RSF1: variants seen among roughly 807,000 people sequenced by gnomAD.
RSF1 encodes remodeling and spacing factor 1, also known as HBV pX-associated protein 8.
RSF1 carries 13 observed loss-of-function variants against 145.2 expected under a neutral mutation model. The observed-to-expected ratio is 0.09, with a 90% CI of 0.06 to 0.14. RSF1 has a LOEUF of 0.14. RSF1 is among the 10% of genes least tolerant of loss of function. The pLI, the probability that RSF1 is intolerant of heterozygous loss-of-function variation, is 1.00. For missense variants in RSF1, 1,517 were observed against 1,718.2 expected (o/e 0.88, Z 2.07); for synonymous variants, 577 against 592.6 (o/e 0.97, Z 0.38).
At chr11:77,810,200 A>ACCCTCC (rs1417294586) in intron 1 of RSF1, among the ~76,000 whole-genome samples, 1 of 151,916 alleles carries the variant, frequency 6.6e-6, no homozygotes, top group Non-Finnish European at 1.5e-5. Context: ...ATCCAACCTT[A>ACCCTCC]CCCTCCCCTA....
In RSF1 at chr11:77,661,341, C is replaced by G. The variant is rs1250265148; in HGVS notation, c.*5576G>C. ...TTGAGAATACCCTAGTTAGGCATCA[C>G]AAAAATCATGTGCTGTAAGAATATG... is the stretch of plus-strand genomic sequence containing the variant. On this transcript the variant is annotated 3_prime_UTR_variant, in exon 16 of 16. Transcript: ENST00000308488. 6.6e-6 allele frequency: 1 copy of G among 151,770 alleles called. No individual in the cohort carries two copies. Among genetic ancestry groups the G allele is most frequent in the Non-Finnish European group, 1.5e-5 (1 of 67,962 alleles). 9.4% of individuals were successfully genotyped at this position (151,770 alleles called of 1,614,324 possible). A position where few individuals can be genotyped will look rare whatever the true frequency, so the allele number is the denominator to read the frequency against.
chr11:77,820,840 G>T, upstream of RSF1: 3 of 1,009,634 alleles, frequency 3.0e-6, no homozygotes, highest in Non-Finnish European at 4.2e-6. Flanking sequence ...GGATCCCAGC[G>T]TCTCAGGGAC....
At chr11:77,749,518 T>C (rs1317831851) in intron 2 of RSF1, among the ~76,000 whole-genome samples, 4 of 152,092 alleles carry the variant, frequency 2.6e-5, no homozygotes, top group Admixed American at 6.5e-5. Context: ...GCTCCAAAGT[T>C]TGGCCAACAA....
intron 1 of RSF1, among the ~76,000 whole-genome samples, chr11:77,782,495 C>G (rs1049256385): frequency 6.6e-6 from 1 of 151,544 alleles, no homozygotes. Flanking sequence ...GAGCAGAGAT[C>G]GTGCCACTGA....
chr11:77,831,553 G>A, the RSF1 span, among the ~76,000 whole-genome samples: 31 of 152,130 alleles, frequency 2.0e-4, no homozygotes, highest in African/African-American at 7.5e-4. Flanking sequence ...TTATCATTCT[G>A]GTGTTCTGAG....
intron 14 of RSF1, among the ~76,000 whole-genome samples, 165 bp downstream of exon 14, chr11:77,674,871 T>C (rs1353044110): frequency 2.0e-5 from 3 of 152,116 alleles, no homozygotes; most frequent in Non-Finnish European, 4.4e-5. Context: ...TGGTGGCACA[T>C]GCCTGTAATC....
the RSF1 span, among the ~76,000 whole-genome samples, chr11:77,846,228 A>C: frequency 7.2e-5 from 11 of 152,176 alleles, no homozygotes; most frequent in Non-Finnish European, 1.6e-4. Context: ...CATTGCTGGA[A>C]TCAGATGTTT....
At chr11:77,804,554 G>A (rs1440303143) in intron 1 of RSF1, among the ~76,000 whole-genome samples, 1 of 152,112 alleles carries the variant, frequency 6.6e-6, no homozygotes, top group Admixed American at 6.6e-5. Flanking sequence ...AATAGTTGGA[G>A]AGCCAGCCAC....
At chr11:77,865,765 T>G in the RSF1 span, among the ~76,000 whole-genome samples, 2 of 152,220 alleles carry the variant, frequency 1.3e-5, no homozygotes, top group Admixed American at 6.5e-5. Flanking sequence ...ACCAAAAGTT[T>G]GTTGTTAATA....
At chr11:77,730,980 G>C (rs776675322) in intron 4 of RSF1, among the ~76,000 whole-genome samples, 5 of 152,184 alleles carry the variant, frequency 3.3e-5, no homozygotes, top group African/African-American at 7.2e-5. Context: ...GGGCGTTGCT[G>C]AAAAGGTACC....
At chr11:77,737,621 G>GTGTGTGGGT in intron 4 of RSF1, among the ~76,000 whole-genome samples, 1 of 93,548 alleles carries the variant, frequency 1.1e-5, no homozygotes, top group East Asian at 2.8e-4. Flanking sequence ...TGTTTTGGGG[G>GTGTGTGGGT]GTGTGTGTGT....
the RSF1 span, among the ~76,000 whole-genome samples, chr11:77,867,225 G>C: frequency 3.3e-5 from 5 of 151,874 alleles, no homozygotes; most frequent in African/African-American, 1.2e-4. Context: ...TCTTTCTCTC[G>C]CCCATTTGTT....
intron 1 of RSF1, among the ~76,000 whole-genome samples, chr11:77,807,452 A>G (rs547792879): frequency 2.0e-5 from 3 of 152,360 alleles, no homozygotes; most frequent in South Asian, 4.1e-4. Flanking sequence ...CATGATACAA[A>G]TATCTGCTGT....
At chr11:77,751,547 C>A (rs926740576) in intron 2 of RSF1, among the ~76,000 whole-genome samples, 1 of 152,192 alleles carries the variant, frequency 6.6e-6, no homozygotes, top group Non-Finnish European at 1.5e-5. Context: ...GACCTGAAGG[C>A]CATTCCTTTG....
At chr11:77,708,095 T>C (rs1960595182) in intron 5 of RSF1, among the ~76,000 whole-genome samples, 1 of 152,094 alleles carries the variant, frequency 6.6e-6, no homozygotes, top group South Asian at 2.1e-4. Flanking sequence ...ATGCAGGGAG[T>C]GGAGTGACAG....
At chr11:77,735,339 C>T (rs977402879) in intron 4 of RSF1, among the ~76,000 whole-genome samples, 1 of 152,086 alleles carries the variant, frequency 6.6e-6, no homozygotes, top group African/African-American at 2.4e-5. Context: ...TTCAGTAGAT[C>T]AACTATGTAA....
chr11:77,795,369 A>G (rs990890244), intron 1 of RSF1, among the ~76,000 whole-genome samples: 3 of 152,198 alleles, frequency 2.0e-5, no homozygotes, highest in Admixed American at 1.3e-4. Context: ...AACAAACAAA[A>G]AAACCCTGCA....
intron 1 of RSF1, among the ~76,000 whole-genome samples, chr11:77,797,578 A>G (rs956114531): frequency 1.3e-5 from 2 of 152,222 alleles, no homozygotes. Context: ...AATCTGGCCA[A>G]TACCATCCAG....
chr11:77,716,300 GT>G (rs1590847233), intron 5 of RSF1, among the ~76,000 whole-genome samples: 2 of 152,226 alleles, frequency 1.3e-5, no homozygotes, highest in East Asian at 3.9e-4. Context: ...AAACCAGTTT[GT>G]TAACAAGATA....
Sources: allele counts gnomAD v4.1 joint callset (sites outside exome capture counted in the v4.1 genomes callset), GRCh38; gene constraint gnomAD v4.1.1; transcripts MANE v1.5; gene names NCBI Gene and HGNC (gene_info 2026-07-23, HGNC 2026-07-21).